The following COL23A1 variants were observed in gnomAD, a reference collection of about 807,000 sequenced individuals.
COL23A1 encodes collagen type XXIII alpha 1 chain, also known as collagen alpha-1(XXIII) chain.
In COL23A1, 97 loss-of-function variants were observed where a neutral mutation model predicts 99.3. The observed-to-expected ratio is 0.98, with a 90% CI of 0.83 to 1.16. COL23A1 has a LOEUF of 1.16. Ranked by LOEUF, COL23A1 falls within the 50% of genes most tolerant of loss-of-function variation. The pLI is 0.00. For missense variants in COL23A1, 762 were observed against 757.4 expected (o/e 1.01, Z -0.07); for synonymous variants, 320 against 308.2 (o/e 1.04, Z -0.40).
intron 2 of COL23A1, among the ~76,000 whole-genome samples, chr5:178,323,124 G>A (rs1362535118): frequency 6.6e-6 from 1 of 152,082 alleles, no homozygotes; most frequent in Non-Finnish European, 1.5e-5. Context: ...GGCAGCAGAA[G>A]GGGCTCCTGA....
chr5:178,249,716 ACTCTCTCTCTCTCTCTCT>A (rs59946818), intron 18 of COL23A1, among the ~76,000 whole-genome samples: 3 of 92,808 alleles, frequency 3.2e-5, no homozygotes, highest in African/African-American at 4.3e-5. Flanking sequence ...ACACACACAC[ACTCTCTCTCTCTCTCTCT>A]CTCTCTCTCT....
intron 18 of COL23A1, among the ~76,000 whole-genome samples, chr5:178,249,657 C>T (rs1042023240): frequency 1.6e-4 from 24 of 150,686 alleles, no homozygotes; most frequent in Admixed American, 1.4e-3. Context: ...AGTGACCCCA[C>T]GAATATGCTT....
At chr5:178,331,435 T>A (rs1183602658) in intron 2 of COL23A1, among the ~76,000 whole-genome samples, 1 of 152,214 alleles carries the variant, frequency 6.6e-6, no homozygotes, top group Non-Finnish European at 1.5e-5. Flanking sequence ...TCCCCATCTG[T>A]AAACTGGGCA....
chr5:178,505,217 A>G (rs966923343), intron 2 of COL23A1, among the ~76,000 whole-genome samples: 17 of 151,024 alleles, frequency 1.1e-4, no homozygotes, highest in African/African-American at 2.4e-5. Flanking sequence ...TTCACTCGGT[A>G]TTCTCCCAGG....
At chr5:178,502,600 G>A (rs1220521393) in intron 2 of COL23A1, among the ~76,000 whole-genome samples, 1 of 152,212 alleles carries the variant, frequency 6.6e-6, no homozygotes, top group East Asian at 1.9e-4. Context: ...TGTCATGAAA[G>A]TAAGAAGTTC....
Position 178,307,804 on chromosome 5 carries a change from G to A in COL23A1, c.362-885C>T, listed in dbSNP as rs375400758. On this transcript the variant is annotated intron_variant, in intron 2 of 28. Transcript: ENST00000390654. This position sits in a 1 kb window ranked among gnomAD's most constrained non-coding sequence, Gnocchi z 4.2. ...GCAATGTGTAAATGGCATTTGATAC[G>A]TCTTGCTCACCCACTGTATGCCAGG... is the stretch of plus-strand genomic sequence containing the variant. 2.6e-5 allele frequency among the ~76,000 whole-genome samples: 4 copies of A among 152,194 alleles called. No homozygotes were observed. The highest frequency in any genetic ancestry group is 6.5e-5 in the Admixed American group (1 of 15,278).
chr5:178,574,006 C>A (rs1264071309), intron 1 of COL23A1, among the ~76,000 whole-genome samples: 1 of 152,052 alleles, frequency 6.6e-6, no homozygotes, highest in Non-Finnish European at 1.5e-5. Context: ...GTACAGGCGC[C>A]CACCATCACG....
chr5:178,256,383 G>A lies in COL23A1; in HGVS notation c.852C>T (p.His284=). Residue 284 remains histidine (H), a synonymous_variant, in exon 15 of 29, where the codon CAC becomes CAT. Transcript: ENST00000390654. ...GAPGPKGEPG[H]RGTDGAAGPR... ...GCCCTGCAGCTCCATCCGTGCCTCG[G>A]TGGCCAGGCTCCCCCTGTGGAGACA... 6.2e-7 allele frequency: 1 copy of A among 1,607,054 alleles called. No homozygotes were observed. Among genetic ancestry groups the A allele is most frequent in the Non-Finnish European group, 8.5e-7 (1 of 1,176,246 alleles).
chr5:178,388,890 C>T (rs1763808691), intron 2 of COL23A1, among the ~76,000 whole-genome samples: 1 of 152,236 alleles, frequency 6.6e-6, no homozygotes, highest in South Asian at 2.1e-4. Context: ...ACATCCCTTG[C>T]AGCTCTCTAA....
chr5:178,560,548 G>T, intron 2 of COL23A1, 134 bp downstream of exon 2: 2 of 698,364 alleles, frequency 2.9e-6, no homozygotes, highest in Non-Finnish European at 4.7e-6. Context: ...ATGTGGGAAA[G>T]AAAGGCCCCA....
At position 178,306,152 on chromosome 5, in the gene COL23A1, G is replaced by GAGGGAGGAAGCGC. The variant is rs542947091; in HGVS notation, c.406+710_406+722dup. Among the ~76,000 whole-genome samples, 13 of 152,126 alleles carry GAGGGAGGAAGCGC rather than the reference G, an allele frequency of 8.5e-5. No homozygotes were observed. Among genetic ancestry groups the GAGGGAGGAAGCGC allele is most frequent in the Admixed American group, 6.5e-4 (10 of 15,278 alleles). ...TGGCAAAGGAGCCCGGGTCACAGAT[G>GAGGGAGGAAGCGC]AGGGAGGAAGCGCAGGGAGGAAGCG... On this transcript the variant is annotated intron_variant, in intron 3 of 28. Coordinates refer to ENST00000390654, the MANE Select transcript of COL23A1 (RefSeq NM_173465.4). This position sits in a 1 kb window ranked among gnomAD's most constrained non-coding sequence, Gnocchi z 4.1.
chr5:178,263,765 C>A (rs892822267), intron 8 of COL23A1, among the ~76,000 whole-genome samples: 3 of 152,166 alleles, frequency 2.0e-5, no homozygotes, highest in African/African-American at 7.2e-5. Context: ...TTGTTCACAG[C>A]TGCTTTATTA....
intron 2 of COL23A1, among the ~76,000 whole-genome samples, chr5:178,336,781 T>G (rs923991765): frequency 2.0e-5 from 3 of 152,244 alleles, no homozygotes; most frequent in Non-Finnish European, 4.4e-5. Flanking sequence ...GTCTTCCTTT[T>G]GGCAGAGCAA....
chr5:178,240,682 T>A (rs1207469770), intron 27 of COL23A1, among the ~76,000 whole-genome samples: 1 of 152,218 alleles, frequency 6.6e-6, no homozygotes, highest in Non-Finnish European at 1.5e-5. Flanking sequence ...CTTTTCTCAT[T>A]GACTTCTCAA....
chr5:178,313,212 A>C lies in COL23A1; in HGVS notation c.362-6293T>G, dbSNP rs1758799330. Among the ~76,000 whole-genome samples the C allele has an allele frequency of 1.3e-5, 2 of 152,222 alleles. No individual in the cohort carries two copies. The highest frequency in any genetic ancestry group is 4.8e-5 in the African/African-American group (2 of 41,552). On this transcript the variant is annotated intron_variant, in intron 2 of 28. Transcript: ENST00000390654. The surrounding 1 kb of genome is among the most constrained non-coding windows in gnomAD (Gnocchi z 4.2). ...CTGGGCTAGGGGAGGCGAGACTGGG[A>C]AGTCGGTGGGCCCAGAGACTCCGTT... is the stretch of plus-strand genomic sequence containing the variant.
chr5:178,420,513 C>T (rs1765569987), intron 2 of COL23A1, among the ~76,000 whole-genome samples: 1 of 73,266 alleles, frequency 1.4e-5, no homozygotes, highest in Non-Finnish European at 2.8e-5. Context: ...CCTTTTTCCT[C>T]CTCTCCTCCC....
chr5:178,535,810 G>A (rs1030992893), intron 2 of COL23A1, among the ~76,000 whole-genome samples: 3 of 152,280 alleles, frequency 2.0e-5, no homozygotes, highest in African/African-American at 7.2e-5. Context: ...TCGTGGAGAG[G>A]GCTGTGAGAG....
intron 2 of COL23A1, among the ~76,000 whole-genome samples, chr5:178,472,855 T>A (rs547359762): frequency 6.6e-6 from 1 of 152,178 alleles, no homozygotes; most frequent in Non-Finnish European, 1.5e-5. Context: ...CAGGACACAG[T>A]GGCTCATGTC....
chr5:178,441,505 C>A (rs1046121812), intron 2 of COL23A1, among the ~76,000 whole-genome samples: 3 of 151,986 alleles, frequency 2.0e-5, no homozygotes, highest in African/African-American at 7.2e-5. Context: ...AAATTCAAGG[C>A]CTCTCGGTAC....
Sources: allele counts gnomAD v4.1 joint callset (sites outside exome capture counted in the v4.1 genomes callset), GRCh38; gene constraint gnomAD v4.1.1; non-coding constraint Gnocchi (gnomAD v3.1); transcripts MANE v1.5; gene names NCBI Gene and HGNC (gene_info 2026-07-23, HGNC 2026-07-21).